The following BTBD9 variants were observed in gnomAD, a reference collection of about 807,000 sequenced individuals.
BTBD9 encodes BTB/POZ domain-containing protein 9.
Under a neutral mutation model 64.3 loss-of-function variants are expected in BTBD9, and 49 were observed. That is an observed-to-expected ratio of 0.76 (90% CI 0.61 to 0.97). The LOEUF is 0.97. BTBD9 is among the 50% of genes least tolerant of loss of function. BTBD9 has a pLI of 0.00. For missense variants in BTBD9, 598 were observed against 762.1 expected (o/e 0.78, Z 2.53); for synonymous variants, 260 against 274.7 (o/e 0.95, Z 0.53).
At chr6:38,200,863 C>T (rs574685751) in intron 9 of BTBD9, among the ~76,000 whole-genome samples, 6 of 152,010 alleles carry the variant, frequency 3.9e-5, no homozygotes, top group Admixed American at 6.6e-5. Flanking sequence ...CAATCCTCTT[C>T]AAACTATTCT....
chr6:38,450,178 C>G (rs1048572849), intron 6 of BTBD9, among the ~76,000 whole-genome samples: 3 of 152,154 alleles, frequency 2.0e-5, no homozygotes, highest in Non-Finnish European at 1.5e-5. Context: ...ACAAATACTG[C>G]AGGATCTCAC....
chr6:38,276,242 C>T (rs932402163), intron 8 of BTBD9, among the ~76,000 whole-genome samples: 7 of 151,526 alleles, frequency 4.6e-5, no homozygotes, highest in Admixed American at 1.3e-4. Flanking sequence ...AGCAAACTAT[C>T]GCAAGGACAA....
At chr6:38,605,500 G>A (rs1422490434) in intron 1 of BTBD9, among the ~76,000 whole-genome samples, 1 of 152,182 alleles carries the variant, frequency 6.6e-6, no homozygotes, top group Non-Finnish European at 1.5e-5. Flanking sequence ...GTCCTTACTT[G>A]TGCATGGGAA....
intron 7 of BTBD9, among the ~76,000 whole-genome samples, chr6:38,320,130 T>G (rs1302310978): frequency 6.6e-6 from 1 of 152,198 alleles, no homozygotes; most frequent in Non-Finnish European, 1.5e-5. Context: ...TCTCTCTCCA[T>G]GCCGTGTGGC....
At chr6:38,377,127 C>T (rs1582323475) in intron 6 of BTBD9, among the ~76,000 whole-genome samples, 2 of 152,268 alleles carry the variant, frequency 1.3e-5, no homozygotes, top group Non-Finnish European at 2.9e-5. Flanking sequence ...TCAGAAAGTA[C>T]ATGTTTCTCA....
chr6:38,450,454 G>T (rs1251907339), intron 6 of BTBD9, among the ~76,000 whole-genome samples: 1 of 152,174 alleles, frequency 6.6e-6, no homozygotes, highest in Non-Finnish European at 1.5e-5. Context: ...GTGAGGTAAT[G>T]CATTAGTTAG....
At chr6:38,594,717 C>T (rs73733942) in intron 2 of BTBD9, among the ~76,000 whole-genome samples, 17,041 of 152,208 alleles carry the variant, frequency 0.11, 1,170 homozygotes, top group Non-Finnish European at 0.15. Flanking sequence ...TAATATGATG[C>T]CATTCTCCCC....
intron 7 of BTBD9, among the ~76,000 whole-genome samples, chr6:38,326,493 G>A (rs1013999584): frequency 2.0e-5 from 3 of 152,176 alleles, no homozygotes; most frequent in African/African-American, 7.2e-5. Context: ...GGGAGGACAT[G>A]AGACCAGTAA....
At chr6:38,330,564 A>T (rs577401485) in intron 7 of BTBD9, among the ~76,000 whole-genome samples, 85 of 151,844 alleles carry the variant, frequency 5.6e-4, no homozygotes, top group African/African-American at 1.9e-3. Flanking sequence ...CGCCATCTCT[A>T]AAAAAAAATT....
At chr6:38,605,206 C>T (rs753280611) in intron 1 of BTBD9, among the ~76,000 whole-genome samples, 67 of 152,076 alleles carry the variant, frequency 4.4e-4, no homozygotes, top group Non-Finnish European at 7.8e-4. Context: ...ACCACTATGC[C>T]TGGTTAACTT....
intron 6 of BTBD9, among the ~76,000 whole-genome samples, chr6:38,432,367 C>T (rs527377103): frequency 2.4e-4 from 36 of 152,052 alleles, no homozygotes; most frequent in African/African-American, 6.3e-4. Context: ...CATTCCTGAG[C>T]GGGAGGAATT....
intron 6 of BTBD9, among the ~76,000 whole-genome samples, chr6:38,469,782 G>T (rs1770560839): frequency 6.6e-6 from 1 of 152,082 alleles, no homozygotes; most frequent in African/African-American, 2.4e-5. Context: ...TTGAACTATA[G>T]CACCTCTATT....
chr6:38,389,519 C>T (rs1251072307), intron 6 of BTBD9, among the ~76,000 whole-genome samples: 2 of 152,214 alleles, frequency 1.3e-5, no homozygotes, highest in Non-Finnish European at 2.9e-5. Context: ...CTTTCATTCA[C>T]AACTGACTAT....
rs909199230 is a variant in BTBD9 at position 38,262,655 on chromosome 6, G to C, written c.1455-6139C>G. 2.0e-5 allele frequency among the ~76,000 whole-genome samples: 3 copies of C among 152,090 alleles called. No individual in the cohort carries two copies. In the South Asian group the frequency reaches 6.2e-4, roughly 32 times the overall value. On this transcript the variant is annotated intron_variant, in intron 8 of 10. Transcript: ENST00000481247. ...TTCAAAACTCTTTTCTTTGTGGCTTGAGTCAGAAGTGACTCAATGCAAACC... is the reference window on the plus strand; with the variant it reads ...TTCAAAACTCTTTTCTTTGTGGCTTCAGTCAGAAGTGACTCAATGCAAACC...
rs150021085 is a variant in BTBD9, at chr6:38,313,702, T to C, written c.1265-25241A>G. Among the ~76,000 whole-genome samples, 427 of 152,230 alleles carry C rather than the reference T, an allele frequency of 2.8e-3. 3 individuals are homozygous for C. The highest frequency in any genetic ancestry group is 0.023 in the Admixed American group (349 of 15,280). On this transcript the variant is annotated intron_variant, in intron 7 of 10. Coordinates refer to ENST00000481247, the MANE Select transcript of BTBD9 (RefSeq NM_001099272.2). ...TGATTGATTTGCATATGTTGAACCA[T>C]TCTTGCATCCTTGGGATAAATTCCA...
At chr6:38,265,495 C>T (rs1226322635) in intron 8 of BTBD9, among the ~76,000 whole-genome samples, 1 of 148,744 alleles carries the variant, frequency 6.7e-6, no homozygotes, top group African/African-American at 2.5e-5. Context: ...TACAAAACTA[C>T]CAATCTTTTT....
chr6:38,549,286 G>C (rs1332820696), intron 6 of BTBD9, among the ~76,000 whole-genome samples: 3 of 152,174 alleles, frequency 2.0e-5, no homozygotes, highest in Non-Finnish European at 2.9e-5. Flanking sequence ...AGCTATTATG[G>C]TTAAATAGAT....
At chr6:38,230,495 CAAAAAAAAAA>C (rs55927635) in intron 9 of BTBD9, among the ~76,000 whole-genome samples, 1 of 63,442 alleles carries the variant, frequency 1.6e-5, no homozygotes, top group African/African-American at 6.4e-5. Flanking sequence ...AACTCCATCT[CAAAAAAAAAA>C]AAAAAAAAAA....
chr6:38,401,538 A>G (rs2127633193), intron 6 of BTBD9, among the ~76,000 whole-genome samples: 1 of 152,342 alleles, frequency 6.6e-6, no homozygotes, highest in South Asian at 2.1e-4. Context: ...AAAATTTCCC[A>G]AAGGAGGAAC....
Sources: allele counts gnomAD v4.1 joint callset (sites outside exome capture counted in the v4.1 genomes callset), GRCh38; gene constraint gnomAD v4.1.1; transcripts MANE v1.5; gene names NCBI Gene and HGNC (gene_info 2026-07-23, HGNC 2026-07-21).